Variants in APBA1 observed in about 807,000 individuals in gnomAD.
The protein encoded by APBA1 is amyloid-beta A4 precursor protein-binding family A member 1.
A neutral mutation model predicts 86.6 loss-of-function variants in APBA1; 55 were observed. The observed-to-expected ratio is 0.64, with a 90% CI of 0.51 to 0.80. APBA1 has a LOEUF of 0.80. Ranked by LOEUF, APBA1 falls within the 30% of genes least tolerant of loss-of-function variation. The probability of loss-of-function intolerance (pLI) is 0.00; values close to 1 mark genes in which losing one functional copy is unlikely to be tolerated. For missense variants in APBA1, 1,090 were observed against 1,183.0 expected, an observed-to-expected ratio of 0.92 and a Z score of 1.15; for synonymous variants, 511 against 493.9, an observed-to-expected ratio of 1.03 and a Z score of -0.46.
chr9:69,455,765 T>C (rs1255419510), intron 8 of APBA1, among the ~76,000 whole-genome samples: 1 of 152,120 alleles, frequency 6.6e-6, no homozygotes, highest in Non-Finnish European at 1.5e-5. Flanking sequence ...AGGTGCCAAA[T>C]TCTTCCTACT....
intron 1 of APBA1, among the ~76,000 whole-genome samples, chr9:69,625,794 C>T (rs1337867717): frequency 6.6e-6 from 1 of 152,166 alleles, no homozygotes; most frequent in East Asian, 1.9e-4. Context: ...TGACTCAATG[C>T]ACAACCATCA....
intron 2 of APBA1, among the ~76,000 whole-genome samples, chr9:69,493,883 C>T (rs1588318809): frequency 6.6e-6 from 1 of 152,124 alleles, no homozygotes; most frequent in South Asian, 2.1e-4. Flanking sequence ...TCTTTTCTCA[C>T]ACCAATGTAC....
At chr9:69,664,404 G>C (rs1823807949) in intron 1 of APBA1, among the ~76,000 whole-genome samples, 1 of 152,132 alleles carries the variant, frequency 6.6e-6, no homozygotes, top group African/African-American at 2.4e-5. Context: ...GAGCACACAG[G>C]GTTTGGAATA....
intron 1 of APBA1, among the ~76,000 whole-genome samples, chr9:69,625,199 C>A (rs1235509243): frequency 6.6e-6 from 1 of 152,184 alleles, no homozygotes; most frequent in Non-Finnish European, 1.5e-5. Context: ...CACCACTGTT[C>A]CTTCTGGAAT....
At chr9:69,628,723 T>C (rs1822981827) in intron 1 of APBA1, among the ~76,000 whole-genome samples, 1 of 152,200 alleles carries the variant, frequency 6.6e-6, no homozygotes. Context: ...TATTATACTA[T>C]ACAGGAAACT....
intron 1 of APBA1, among the ~76,000 whole-genome samples, chr9:69,576,114 T>C (rs11139412): frequency 0.022 from 3,290 of 152,226 alleles, 134 homozygotes; most frequent in African/African-American, 0.075. Flanking sequence ...AAAATGCTCA[T>C]CATCACTGGC....
chr9:69,634,378 G>C (rs554497619), intron 1 of APBA1, among the ~76,000 whole-genome samples: 1 of 152,178 alleles, frequency 6.6e-6, no homozygotes, highest in African/African-American at 2.4e-5. Context: ...CATTCTGGTC[G>C]TTGCAACTTG....
intron 10 of APBA1, among the ~76,000 whole-genome samples, chr9:69,447,332 T>A (rs1564032210): frequency 6.6e-6 from 1 of 152,078 alleles, no homozygotes; most frequent in Non-Finnish European, 1.5e-5. Flanking sequence ...CCACAAACCA[T>A]CCCTAACCAG....
intron 1 of APBA1, among the ~76,000 whole-genome samples, chr9:69,604,729 T>C (rs1258021164): frequency 6.4e-4 from 75 of 117,006 alleles, no homozygotes; most frequent in African/African-American, 2.5e-3. Context: ...GGCACACGAG[T>C]GTGGGCACAC....
At chr9:69,536,646 T>G (rs1302848730) in intron 1 of APBA1, among the ~76,000 whole-genome samples, 1 of 146,308 alleles carries the variant, frequency 6.8e-6, no homozygotes, top group Non-Finnish European at 1.5e-5. Context: ...GCGGGCAGAT[T>G]GATGGAGGTC....
intron 1 of APBA1, among the ~76,000 whole-genome samples, chr9:69,604,905 C>T (rs1008516227): frequency 6.7e-6 from 1 of 149,924 alleles, no homozygotes; most frequent in South Asian, 2.1e-4. Context: ...AGGAGAGGCA[C>T]ACGGGTATGG....
At chr9:69,453,441 A>G (rs1402237038) in intron 8 of APBA1, among the ~76,000 whole-genome samples, 1 of 152,228 alleles carries the variant, frequency 6.6e-6, no homozygotes, top group Non-Finnish European at 1.5e-5. Flanking sequence ...TTTTCCCTGC[A>G]TTAATTAAGC....
At chr9:69,528,812 C>G (rs1836381745) in intron 1 of APBA1, among the ~76,000 whole-genome samples, 1 of 151,872 alleles carries the variant, frequency 6.6e-6, no homozygotes, top group African/African-American at 2.4e-5. Context: ...TCTCTAAAAT[C>G]AGTTAAGCTA....
At chr9:69,515,061 C>T (rs1382849619) in intron 2 of APBA1, among the ~76,000 whole-genome samples, 1 of 152,188 alleles carries the variant, frequency 6.6e-6, no homozygotes, top group East Asian at 1.9e-4. Context: ...CCAGGAGCAT[C>T]GCATGAGAAC....
chr9:69,446,583 T>A (rs931303666), intron 10 of APBA1, among the ~76,000 whole-genome samples: 2 of 152,236 alleles, frequency 1.3e-5, no homozygotes, highest in African/African-American at 4.8e-5. Flanking sequence ...CAAGCTTTGC[T>A]TCCACCTTGA....
intron 8 of APBA1, 70 bp downstream of exon 8, chr9:69,456,177 T>C: frequency 1.3e-6 from 2 of 1,514,646 alleles, no homozygotes; most frequent in African/African-American, 1.4e-5. Context: ...TGTGATGAAT[T>C]AGACTGAATC....
chr9:69,550,751 G>T (rs1836770582), intron 1 of APBA1, among the ~76,000 whole-genome samples: 1 of 152,176 alleles, frequency 6.6e-6, no homozygotes, highest in South Asian at 2.1e-4. Context: ...AGATACAGGA[G>T]ATGGGAGAGT....
chr9:69,621,791 C>A (rs776717139), intron 1 of APBA1, among the ~76,000 whole-genome samples: 1 of 152,176 alleles, frequency 6.6e-6, no homozygotes, highest in African/African-American at 2.4e-5. Context: ...ACAAGCGAGT[C>A]AGGCTCAGAA....
chr9:69,516,521 G>T lies in APBA1; in HGVS notation c.690C>A (p.Ala230=). 1 of 1,595,332 alleles carries T rather than the reference G, an allele frequency of 6.3e-7. No individual in the cohort carries two copies. ...RDEAAAYRQE[A]LGARLHHYDE... is the part of the protein sequence containing the mutation. ...CGTAATGGTGCAGCCGCGCGCCCAG[G>T]GCCTCCTGGCGGTACGCGGCCGCCT... Residue 230 remains alanine, a synonymous_variant, in exon 2 of 13, where the codon GCC becomes GCA. Coordinates refer to ENST00000265381, the MANE Select transcript of APBA1 (RefSeq NM_001163.4). This position sits in a 1 kb window ranked among gnomAD's most constrained non-coding sequence, Gnocchi z 7.3.
Sources: gnomAD v4.1 joint callset for allele counts (sites outside exome capture counted in the v4.1 genomes callset) on GRCh38, gnomAD v4.1.1 for gene constraint, Gnocchi (gnomAD v3.1) non-coding constraint, MANE v1.5 for transcripts, NCBI Gene and HGNC (gene_info 2026-07-23, HGNC 2026-07-21) for gene names.